Variants in NOX5 observed in about 807,000 individuals in gnomAD.
NOX5 encodes NADPH oxidase 5, also known as NADPH oxidase, EF-hand calcium binding domain 5.
NOX5 carries 76 observed loss-of-function variants against 85.7 expected under a neutral mutation model. The ratio of observed to expected loss-of-function variants is 0.89; its 90% CI spans 0.74 to 1.07. NOX5 has a LOEUF of 1.07. Ranked by LOEUF, NOX5 falls within the 50% of genes least tolerant of loss-of-function variation. The pLI is 0.00. For synonymous variants in NOX5, 405 were observed against 401.4 expected, an observed-to-expected ratio of 1.01 and a Z score of -0.11; for missense variants, 973 against 999.5, an observed-to-expected ratio of 0.97 and a Z score of 0.36.
intron 2 of NOX5, among the ~76,000 whole-genome samples, chr15:69,027,298 A>G (rs1173682990): frequency 6.6e-6 from 1 of 152,084 alleles, no homozygotes; most frequent in Non-Finnish European, 1.5e-5. Context: ...GAAGGAAAAA[A>G]TCCCATTCTC....
At position 69,058,354 on chromosome 15, in the gene NOX5, G is replaced by A. The variant is rs556006004; in HGVS notation, c.*1658G>A. On this transcript the variant is annotated 3_prime_UTR_variant, in exon 16 of 16. Transcript: ENST00000388866. Reference sequence around the variant, plus strand: ...TGGGTGGATGGAAGAATGAAGGTGGGGGAAAGCTCTCTTCTGAAAGGGGCA... The same window carrying A: ...TGGGTGGATGGAAGAATGAAGGTGGAGGAAAGCTCTCTTCTGAAAGGGGCA... 3.9e-5 allele frequency: 6 copies of A among 152,676 alleles called. No homozygotes were observed. Among genetic ancestry groups the A allele is most frequent in the African/African-American group, 1.4e-4 (6 of 41,534 alleles). 9.5% of individuals were successfully genotyped at this position (152,676 alleles called of 1,614,324 possible). A position where few individuals can be genotyped will look rare whatever the true frequency, so the allele number is the denominator to read the frequency against.
At chr15:69,037,413 G>T in intron 8 of NOX5, 1 of 579,470 alleles carries the variant, frequency 1.7e-6, no homozygotes, top group Non-Finnish European at 3.0e-6. Flanking sequence ...TGAATGGCAG[G>T]GCAGGCAATA....
rs1402540684 is a variant in NOX5 at position 69,060,553 on chromosome 15, TG to T, written c.*3861del. 1.3e-5 allele frequency: 2 copies of T among 152,222 alleles called. No individual in the cohort carries two copies. Among genetic ancestry groups the T allele is most frequent in the Non-Finnish European group, 2.9e-5 (2 of 68,042 alleles). The allele number at this position is 152,222 out of a possible 1,614,324, so 9.4% of individuals were successfully genotyped here. A position where few individuals can be genotyped will look rare whatever the true frequency, so the allele number is the denominator to read the frequency against. On this transcript the variant is annotated 3_prime_UTR_variant, in exon 16 of 16. Coordinates refer to ENST00000388866, the MANE Select transcript of NOX5 (RefSeq NM_024505.4). Reference sequence around the variant, plus strand: ...TGAAAGTATATTTATCTGTGTGCTCTGGGGAGTGGGAATGGAGGGATACAAT... The same window carrying T: ...TGAAAGTATATTTATCTGTGTGCTCTGGGAGTGGGAATGGAGGGATACAAT...
intron 9 of NOX5, among the ~76,000 whole-genome samples, chr15:69,039,569 T>A (rs1310857385): frequency 6.6e-6 from 1 of 152,130 alleles, no homozygotes; most frequent in Non-Finnish European, 1.5e-5. Flanking sequence ...GAATGGTTCT[T>A]AAGCAGAGGA....
intron 3 of NOX5, chr15:69,031,165 G>A (rs1212268541): frequency 3.4e-6 from 1 of 291,166 alleles, no homozygotes; most frequent in Non-Finnish European, 6.4e-6. Context: ...GAACAACAAG[G>A]CACACTCCCT....
intron 1 of NOX5, among the ~76,000 whole-genome samples, chr15:69,021,539 A>G (rs2050295513): frequency 6.6e-6 from 1 of 152,032 alleles, no homozygotes; most frequent in African/African-American, 2.4e-5. Flanking sequence ...GATGGTCTCA[A>G]TCTCTTGACC....
chr15:69,047,617 T>C (rs899830659), intron 12 of NOX5, 80 bp downstream of exon 12: 1 of 1,518,138 alleles, frequency 6.6e-7, no homozygotes, highest in African/African-American at 1.4e-5. Context: ...CCTTTATTCC[T>C]TCTCCTTCCT....
In NOX5 at chr15:69,028,366, G is replaced by A. The variant is rs1313799846; in HGVS notation, c.325+1G>A. 1.1e-5 allele frequency: 17 copies of A among 1,594,246 alleles called. No individual in the cohort carries two copies. Among genetic ancestry groups the A allele is most frequent in the Non-Finnish European group, 1.5e-5 (17 of 1,168,928 alleles). ...CTCTTCCAGGTGTATGACATCGATG[G>A]TAAGGGCTCTTCCTGGGTGTGGGCT... On this transcript the variant is annotated splice_donor_variant, in intron 3 of 15. Transcript: ENST00000388866. LOFTEE classifies it high-confidence loss of function.
At chr15:69,037,538 G>A in intron 8 of NOX5, 1 of 279,876 alleles carries the variant, frequency 3.6e-6, no homozygotes, top group Middle Eastern at 1.1e-3. Context: ...AGAAGGTTCT[G>A]CACTGTCCTG....
rs757381672 is a variant in NOX5 at position 69,031,628 on chromosome 15, C to A, written c.436C>A (p.Leu146Met). ...CAGTGGCTCCATTGACCCGGATGAGCTGCGCACTGTGCTGCAGTCGTGTCT... is the reference window on the plus strand; with the variant it reads ...CAGTGGCTCCATTGACCCGGATGAGATGCGCACTGTGCTGCAGTCGTGTCT... ...TGSGSIDPDELRTVLQSCLRE... is the reference protein window; with the variant it reads ...TGSGSIDPDEMRTVLQSCLRE... Residue 146 changes from leucine to methionine, a missense_variant, in exon 4 of 16, where the codon CTG becomes ATG. Physicochemically the swap from Leu to Met is conservative, Grantham distance 15. Transcript: ENST00000388866. The A allele has an allele frequency of 6.2e-7, 1 of 1,613,346 alleles. No individual in the cohort carries two copies. Among genetic ancestry groups the A allele is most frequent in the South Asian group, 1.1e-5 (1 of 91,076 alleles).
At chr15:69,023,081 T>A in intron 1 of NOX5, 1 of 432,800 alleles carries the variant, frequency 2.3e-6, no homozygotes. Flanking sequence ...GTGAGTTCAA[T>A]AATAACCCTG....
intron 14 of NOX5, among the ~76,000 whole-genome samples, chr15:69,051,482 C>T (rs905050132): frequency 2.0e-5 from 3 of 151,994 alleles, no homozygotes; most frequent in African/African-American, 7.3e-5. Context: ...CGGGCTCAAG[C>T]GATCCTCCCA....
In NOX5 at chr15:69,055,330, A is replaced by G. The variant is rs1345412856; in HGVS notation, c.2000-4A>G. The G allele has an allele frequency of 6.2e-7, 1 of 1,613,694 alleles. No homozygotes were observed. Among genetic ancestry groups the G allele is most frequent in the South Asian group, 1.1e-5 (1 of 91,060 alleles). On this transcript the variant is annotated splice_region_variant and splice_polypyrimidine_tract_variant and intron_variant, in intron 14 of 15. Coordinates refer to ENST00000388866, the MANE Select transcript of NOX5 (RefSeq NM_024505.4). ...CAGTGCAGCCCTTGTCCCCTGCCCA[A>G]CAGGCCGCTTCCTGGAGCTGCATAT... is the stretch of plus-strand genomic sequence containing the variant.
intron 2 of NOX5, 56 bp from the exon 3 acceptor site, chr15:69,028,159 C>T: frequency 6.6e-7 from 1 of 1,517,232 alleles, no homozygotes; most frequent in East Asian, 2.3e-5. Flanking sequence ...TGAACAAATT[C>T]AAAGCCCAGG....
chr15:69,054,010 A>G (rs1014881846), intron 14 of NOX5, among the ~76,000 whole-genome samples: 8 of 152,186 alleles, frequency 5.3e-5, no homozygotes, highest in Non-Finnish European at 1.0e-4. Flanking sequence ...CTTAGGAAAC[A>G]ATAGAGAGCA....
rs1256292975 is a variant in NOX5 at position 69,062,080 on chromosome 15, A to G, written c.*5384A>G. 3 of 152,126 alleles carry G rather than the reference A, an allele frequency of 2.0e-5. No homozygotes were observed. Among genetic ancestry groups the G allele is most frequent in the South Asian group, 2.1e-4 (1 of 4,816 alleles). The allele number at this position is 152,126 out of a possible 1,614,324, so 9.4% of individuals were successfully genotyped here. On this transcript the variant is annotated 3_prime_UTR_variant, in exon 16 of 16. Transcript: ENST00000388866. Reference sequence around the variant, plus strand: ...TGTTTCCACTGCTATGGTCTGTTTCAGCTGGTGACCCCATGAGGTACCCTT... The same window carrying G: ...TGTTTCCACTGCTATGGTCTGTTTCGGCTGGTGACCCCATGAGGTACCCTT...
Position 69,026,757 on chromosome 15 carries a change from G to A in NOX5, c.174+106G>A, listed in dbSNP as rs2050363612. Reference sequence around the variant, plus strand: ...AAAGGGAACTCCCTGGGGTTCCTGAGGTCTCCACCTTGTAGCGGGCTGGCG... The same window carrying A: ...AAAGGGAACTCCCTGGGGTTCCTGAAGTCTCCACCTTGTAGCGGGCTGGCG... On this transcript the variant is annotated intron_variant, in intron 2 of 15. Coordinates refer to ENST00000388866, the MANE Select transcript of NOX5 (RefSeq NM_024505.4). 2.7e-6 allele frequency: 4 copies of A among 1,492,860 alleles called. No homozygotes were observed. The Admixed American group carries it at 5.4e-5, about 20-fold the overall frequency. The allele number at this position is 1,492,860 out of a possible 1,614,324, so 92.5% of individuals were successfully genotyped here.
intron 3 of NOX5, chr15:69,028,964 T>C (rs1416363960): frequency 4.6e-5 from 7 of 152,090 alleles, no homozygotes; most frequent in Admixed American, 4.6e-4. Context: ...TGCTTTACAG[T>C]GTCATTTTTA....
intron 15 of NOX5, among the ~76,000 whole-genome samples, 200 bp from the exon 16 acceptor site, chr15:69,056,365 A>AC (rs1567110320): frequency 1.3e-5 from 2 of 152,160 alleles, no homozygotes; most frequent in Non-Finnish European, 2.9e-5. Flanking sequence ...TGCCAGCTGA[A>AC]CAAATGGCTC....
Sources: allele counts gnomAD v4.1 joint callset (sites outside exome capture counted in the v4.1 genomes callset), GRCh38; gene constraint gnomAD v4.1.1; transcripts MANE v1.5; gene names NCBI Gene and HGNC (gene_info 2026-07-23, HGNC 2026-07-21).